PPP1R3A: variants seen among roughly 807,000 people sequenced by gnomAD.
PPP1R3A encodes protein phosphatase 1 regulatory subunit 3A.
PPP1R3A carries 29 observed loss-of-function variants against 41.7 expected under a neutral mutation model. The observed-to-expected ratio is 0.70, with a 90% confidence interval of 0.52 to 0.95. The LOEUF is 0.95. PPP1R3A is among the 40% of genes least tolerant of loss of function. The probability of loss-of-function intolerance (pLI) is 0.00; values close to 1 mark genes in which losing one functional copy is unlikely to be tolerated. For missense variants in PPP1R3A, 1,352 were observed against 1,292.4 expected (o/e 1.05, Z -0.71); for synonymous variants, 485 against 453.4 (o/e 1.07, Z -0.89).
In PPP1R3A at chr7:113,878,280, C is replaced by T. The variant is rs1371604428; in HGVS notation, c.2812G>A (p.Val938Ile). ...NEQAIAVENA[V>I]TTMASQPIST... is the part of the protein sequence containing the mutation. ...ATAGGTTGGCTAGCCATGGTAGTAA[C>T]TGCATTCTCTACAGCAATTGCCTGC... Residue 938 changes from valine to isoleucine, a missense_variant, in exon 4 of 4, where the codon GTT (valine) becomes ATT (isoleucine). Val to Ile is a conservative substitution (Grantham distance 29). Transcript: ENST00000284601. 1 of 1,613,160 alleles carries T rather than the reference C, an allele frequency of 6.2e-7. No homozygotes were observed. Among genetic ancestry groups the T allele is most frequent in the Non-Finnish European group, 8.5e-7 (1 of 1,179,546 alleles).
chr7:113,905,668 C>T (rs1562925039), intron 1 of PPP1R3A, among the ~76,000 whole-genome samples: 1 of 151,686 alleles, frequency 6.6e-6, no homozygotes, highest in Non-Finnish European at 1.5e-5. Context: ...CTCACTGGTT[C>T]TAGGTTTTTG....
At chr7:113,894,488 G>A (rs1796946968) in intron 1 of PPP1R3A, among the ~76,000 whole-genome samples, 1 of 151,898 alleles carries the variant, frequency 6.6e-6, no homozygotes, top group African/African-American at 2.4e-5. Context: ...AGAAAGTAGT[G>A]ATTGTCCAGC....
chr7:113,888,144 G>A (rs769478635), intron 1 of PPP1R3A, among the ~76,000 whole-genome samples: 8 of 152,130 alleles, frequency 5.3e-5, no homozygotes, highest in Non-Finnish European at 7.3e-5. Context: ...ATTAGTTCAA[G>A]CCAGATTGTA....
At chr7:113,892,085 T>C (rs1368025790) in intron 1 of PPP1R3A, among the ~76,000 whole-genome samples, 2 of 152,082 alleles carry the variant, frequency 1.3e-5, no homozygotes, top group Admixed American at 6.6e-5. Context: ...CTTGGAATTC[T>C]TGGGCATCAC....
intron 1 of PPP1R3A, among the ~76,000 whole-genome samples, chr7:113,887,929 G>T (rs2129115808): frequency 6.6e-6 from 1 of 152,246 alleles, no homozygotes; most frequent in African/African-American, 2.4e-5. Flanking sequence ...TACTCAGGAG[G>T]CTGAGGCAGA....
intron 1 of PPP1R3A, among the ~76,000 whole-genome samples, chr7:113,910,849 T>C (rs1219964757): frequency 6.6e-6 from 1 of 152,142 alleles, no homozygotes; most frequent in Non-Finnish European, 1.5e-5. Context: ...GGCTAAGAAA[T>C]GTTTTCACAT....
intron 1 of PPP1R3A, among the ~76,000 whole-genome samples, chr7:113,904,603 T>C (rs1345103081): frequency 6.6e-6 from 1 of 151,036 alleles, no homozygotes; most frequent in Non-Finnish European, 1.5e-5. Context: ...GACCCTCAAA[T>C]ACAAAATTAA....
chr7:113,906,364 C>G (rs1797146557), intron 1 of PPP1R3A, among the ~76,000 whole-genome samples: 1 of 151,774 alleles, frequency 6.6e-6, no homozygotes, highest in Non-Finnish European at 1.5e-5. Flanking sequence ...AAGGAACAAT[C>G]ATCACCTCCA....
intron 1 of PPP1R3A, among the ~76,000 whole-genome samples, chr7:113,904,858 A>T (rs992637701): frequency 6.6e-6 from 1 of 151,718 alleles, no homozygotes; most frequent in African/African-American, 2.4e-5. Context: ...TGTTTAATTC[A>T]ATCTCACAAT....
chr7:113,879,662 AT>A lies in PPP1R3A; in HGVS notation c.1429del (p.Ile477LeufsTer3). ...TAAACATCCCAAATCTTTTACTTCA[AT>A]ATTTTTAGCTCCTCCTTCATGTTTT... The part of the protein sequence containing the change: ...NKKHEGGAKN[I>X]EVKDLGCLRR... On this transcript the variant is annotated frameshift_variant, in exon 4 of 4. Transcript: ENST00000284601. LOFTEE classifies it low-confidence loss of function (END_TRUNC). 1 of 1,613,130 alleles carries A rather than the reference AT, an allele frequency of 6.2e-7. No individual in the cohort carries two copies. The highest frequency in any genetic ancestry group is 2.2e-5 in the East Asian group (1 of 44,810).
At chr7:113,893,303 T>G (rs1476337550) in intron 1 of PPP1R3A, among the ~76,000 whole-genome samples, 1 of 151,966 alleles carries the variant, frequency 6.6e-6, no homozygotes. Context: ...GCTGGTAGAA[T>G]CAATAGAAAT....
intron 3 of PPP1R3A, 64 bp from the exon 4 acceptor site, chr7:113,880,189 A>C: frequency 7.1e-7 from 1 of 1,399,000 alleles, no homozygotes; most frequent in Non-Finnish European, 9.9e-7. Context: ...ATAGTGAATT[A>C]GATAGGTTTT....
intron 1 of PPP1R3A, among the ~76,000 whole-genome samples, chr7:113,891,430 A>T (rs755306556): frequency 5.3e-5 from 8 of 151,982 alleles, no homozygotes; most frequent in Non-Finnish European, 1.0e-4. Flanking sequence ...ATATTCTCTC[A>T]TATCTTTAAT....
In PPP1R3A at chr7:113,880,141, C is replaced by T. The variant is rs757968646; in HGVS notation, c.967-16G>A. 3.8e-6 allele frequency: 6 copies of T among 1,566,888 alleles called. No homozygotes were observed. Among genetic ancestry groups the T allele is most frequent in the Middle Eastern group, 1.7e-4 (1 of 5,924 alleles). On this transcript the variant is annotated splice_polypyrimidine_tract_variant and intron_variant, in intron 3 of 3. Coordinates refer to ENST00000284601, the MANE Select transcript of PPP1R3A (RefSeq NM_002711.4). ...GTTGATTTATCTTATGGGATAAAAA[C>T]AACAAAGAAATAATGACCATAAGAT...
At position 113,879,809 on chromosome 7, in the gene PPP1R3A, A is replaced by T. The variant is rs202039462; in HGVS notation, c.1283T>A (p.Val428Glu). Residue 428 changes from valine to glutamate, a missense_variant, in exon 4 of 4, where the codon GTG becomes GAG. Physicochemically the swap from Val to Glu is moderately radical, Grantham distance 121. Transcript: ENST00000284601. The stretch of plus-strand genomic sequence containing the variant: ...TTCTTTGCTGCCAGTATGTAATTGC[A>T]CTAGTTCATCACTACTAGTATCTCC... Reference protein sequence around the residue: ...SLGDTSSDELVQLHTGSKEVL... With the variant: ...SLGDTSSDELEQLHTGSKEVL... 37 of 1,613,380 alleles carry T rather than the reference A, an allele frequency of 2.3e-5. No individual in the cohort carries two copies. The highest frequency in any genetic ancestry group is 1.6e-4 in the Middle Eastern group (1 of 6,080).
intron 1 of PPP1R3A, among the ~76,000 whole-genome samples, chr7:113,910,712 T>G (rs915670807): frequency 6.6e-6 from 1 of 152,130 alleles, no homozygotes; most frequent in Non-Finnish European, 1.5e-5. Context: ...TGTTAACACA[T>G]CCACAGTAAT....
Position 113,877,594 on chromosome 7 carries a change from G to T in PPP1R3A, c.*129C>A, listed in dbSNP as rs567391457. On this transcript the variant is annotated 3_prime_UTR_variant, in exon 4 of 4. Transcript: ENST00000284601. ...TATATGAAGGAGCAAACTTATTCGC[G>T]TCCCTTTTTAAATGATCCTTCAAGA... The T allele has an allele frequency of 4.1e-4, 442 of 1,083,938 alleles. 2 individuals are homozygous for T. In the African/African-American group the frequency reaches 6.2e-3, roughly 15 times the overall value. 67.1% of individuals were successfully genotyped at this position (1,083,938 alleles called of 1,614,324 possible). A position where few individuals can be genotyped will look rare whatever the true frequency, so the allele number is the denominator to read the frequency against.
intron 1 of PPP1R3A, among the ~76,000 whole-genome samples, chr7:113,913,064 A>G (rs878919598): frequency 6.6e-6 from 1 of 152,148 alleles, no homozygotes; most frequent in Admixed American, 6.6e-5. Context: ...CTGCTTTCAA[A>G]CACCCTCCTG....
In PPP1R3A at chr7:113,877,056, T is replaced by C. The variant is rs1796577701; in HGVS notation, c.*667A>G. 6.6e-6 allele frequency: 1 copy of C among 151,924 alleles called. No individual in the cohort carries two copies. Among genetic ancestry groups the C allele is most frequent in the African/African-American group, 2.4e-5 (1 of 41,410 alleles). 9.4% of individuals were successfully genotyped at this position (151,924 alleles called of 1,614,324 possible). ...TCAGAATTGAAAGATAATCTCCCAA[T>C]TGTTTCAGTCTTGTCAGATTTTGCC... On this transcript the variant is annotated 3_prime_UTR_variant, in exon 4 of 4. Coordinates refer to ENST00000284601, the MANE Select transcript of PPP1R3A (RefSeq NM_002711.4).
Sources: gnomAD v4.1 joint callset for allele counts (sites outside exome capture counted in the v4.1 genomes callset) on GRCh38, gnomAD v4.1.1 for gene constraint, MANE v1.5 for transcripts, NCBI Gene and HGNC (gene_info 2026-07-23, HGNC 2026-07-21) for gene names.